Variants in NUP58 observed in about 807,000 individuals in gnomAD.
NUP58 encodes the protein nucleoporin 58.
A neutral mutation model predicts 70.1 loss-of-function variants in NUP58; 17 were observed. The observed-to-expected ratio is 0.24, with a 90% CI of 0.17 to 0.36. The LOEUF (loss-of-function observed/expected upper bound fraction) is 0.36. Among genes scored for constraint, NUP58 ranks in the 10% least tolerant of loss-of-function variants. The pLI, the probability that NUP58 is intolerant of heterozygous loss-of-function variation, is 1.00. For synonymous variants in NUP58, 275 were observed against 257.6 expected (o/e 1.07, Z -0.65); for missense variants, 644 against 701.5 (o/e 0.92, Z 0.93).
rs139298466 is a variant in NUP58 at position 25,312,752 on chromosome 13, C to G, written c.287-131C>G. 24 of 772,628 alleles carry G rather than the reference C, an allele frequency of 3.1e-5. 1 individual carries two copies. Among genetic ancestry groups the G allele is most frequent in the Non-Finnish European group, 2.0e-6 (1 of 495,688 alleles). 47.9% of individuals were successfully genotyped at this position (772,628 alleles called of 1,614,324 possible). On this transcript the variant is annotated intron_variant, in intron 3 of 15. Coordinates refer to ENST00000381736, the MANE Select transcript of NUP58 (RefSeq NM_014089.4). ...TTTTACATATTTTCTCTCACAGATA[C>G]ACCCTTCTTCTATTGGCAAAAGGTA...
At chr13:25,327,980 C>T (rs572251088) in intron 12 of NUP58, among the ~76,000 whole-genome samples, 83 of 152,182 alleles carry the variant, frequency 5.5e-4, no homozygotes, top group African/African-American at 1.4e-3. Flanking sequence ...GCGGGCGAAT[C>T]ACAAAGTCAG....
intron 13 of NUP58, chr13:25,334,041 A>AT (rs924146910): frequency 3.7e-3 from 2,892 of 782,758 alleles, no homozygotes; most frequent in Middle Eastern, 5.3e-3. Context: ...TCCTCCTTCA[A>AT]TTTTTTTTTT....
At chr13:25,310,183 G>A (rs1157336029) in intron 3 of NUP58, among the ~76,000 whole-genome samples, 1 of 145,428 alleles carries the variant, frequency 6.9e-6, no homozygotes, top group Admixed American at 6.9e-5. Flanking sequence ...AGGACTACAG[G>A]CACATACCAC....
chr13:25,309,148 C>T lies in NUP58; in HGVS notation c.251-99C>T, dbSNP rs1593176548. ...ATTGTTCTAATTAGAAGTGTTGTCA[C>T]TCCCTGAGGGTGATTTTAAGTCTTT... On this transcript the variant is annotated intron_variant, in intron 2 of 15. Coordinates refer to ENST00000381736, the MANE Select transcript of NUP58 (RefSeq NM_014089.4). 13 of 850,078 alleles carry T rather than the reference C, an allele frequency of 1.5e-5. No homozygotes were observed. The East Asian group carries it at 2.3e-4, about 15-fold the overall frequency. 52.7% of individuals were successfully genotyped at this position (850,078 alleles called of 1,614,324 possible). A position where few individuals can be genotyped will look rare whatever the true frequency, so the allele number is the denominator to read the frequency against.
chr13:25,347,634 A>G (rs1050347871), intron 3 of NUP58, among the ~76,000 whole-genome samples: 2 of 152,194 alleles, frequency 1.3e-5, no homozygotes, highest in Admixed American at 6.5e-5. Flanking sequence ...CATCTAAAAG[A>G]TGTTTTTAAA....
Position 25,325,077 on chromosome 13 carries a change from C to A in NUP58, c.1031+9C>A. The stretch of plus-strand genomic sequence containing the variant: ...TATGCAGCTCCTGCTGAGTAAGTTG[C>A]TGGATTTTTAAAAACAAATGTTTCT... On this transcript the variant is annotated intron_variant, in intron 10 of 15. Transcript: ENST00000381736. 1 of 1,589,406 alleles carries A rather than the reference C, an allele frequency of 6.3e-7. No homozygotes were observed.
At chr13:25,324,131 C>CATCT (rs2031298659) in intron 9 of NUP58, among the ~76,000 whole-genome samples, 1 of 151,686 alleles carries the variant, frequency 6.6e-6, no homozygotes, top group Non-Finnish European at 1.5e-5. Context: ...AGTCTTGAAT[C>CATCT]ATCTACACAT....
downstream of NUP58, among the ~76,000 whole-genome samples, chr13:25,343,811 A>G (rs1050626575): frequency 6.4e-3 from 923 of 144,546 alleles, 11 homozygotes; most frequent in African/African-American, 0.022. Flanking sequence ...ATATGTATAT[A>G]TATATATATA....
chr13:25,322,511 C>G (rs1273666252), intron 9 of NUP58, among the ~76,000 whole-genome samples: 1 of 152,152 alleles, frequency 6.6e-6, no homozygotes, highest in Non-Finnish European at 1.5e-5. Flanking sequence ...TAACATGATG[C>G]CACAGGTGGA....
intron 13 of NUP58, chr13:25,332,574 A>G (rs911629545): frequency 2.0e-6 from 2 of 985,304 alleles, no homozygotes; most frequent in African/African-American, 1.7e-5. Context: ...CATTCAAGCT[A>G]CCTATACTAG....
At chr13:25,335,840 T>A in intron 13 of NUP58, 1 of 1,010,536 alleles carries the variant, frequency 9.9e-7, no homozygotes, top group Non-Finnish European at 1.2e-6. Flanking sequence ...GACAGTTCCC[T>A]CATCTTTGAG....
intron 6 of NUP58, among the ~76,000 whole-genome samples, chr13:25,317,228 G>A (rs1240552656): frequency 1.3e-5 from 2 of 152,236 alleles, no homozygotes; most frequent in East Asian, 3.9e-4. Context: ...GGCCAGATTA[G>A]CCATAGAGCA....
At chr13:25,333,144 A>G (rs2137819774) in intron 13 of NUP58, 1 of 984,504 alleles carries the variant, frequency 1.0e-6, no homozygotes, top group South Asian at 4.7e-5. Context: ...GTGTGTGTTT[A>G]ACTTTCTTAT....
At chr13:25,321,242 A>G (rs536824289) in intron 9 of NUP58, 149 bp downstream of exon 9, 7 of 638,782 alleles carry the variant, frequency 1.1e-5, no homozygotes, top group Non-Finnish European at 1.6e-5. Context: ...ATACTTTAAT[A>G]ATGAGTTTTT....
intron 9 of NUP58, among the ~76,000 whole-genome samples, chr13:25,324,282 T>C (rs116928228): frequency 0.021 from 3,235 of 152,260 alleles, 43 homozygotes; most frequent in Middle Eastern, 0.034. Context: ...AGTAACTCTT[T>C]GTGAAATAAA....
intron 3 of NUP58, 116 bp from the exon 4 acceptor site, chr13:25,312,767 G>T: frequency 1.1e-6 from 1 of 946,772 alleles, no homozygotes; most frequent in Non-Finnish European, 1.5e-6. Flanking sequence ...TTCTTCTATT[G>T]GCAAAAGGTA....
chr13:25,336,885 A>C, intron 13 of NUP58, 51 bp from the exon 14 acceptor site: 4 of 1,118,366 alleles, frequency 3.6e-6, no homozygotes, highest in African/African-American at 1.6e-5. Flanking sequence ...TTGAAAGAGT[A>C]AGGCAAATTT....
downstream of NUP58, among the ~76,000 whole-genome samples, chr13:25,343,830 CAT>C (rs753908293): frequency 8.9e-5 from 12 of 135,404 alleles, no homozygotes; most frequent in Admixed American, 3.0e-4. Flanking sequence ...TATATATACA[CAT>C]ATATATATAC....
chr13:25,336,425 T>TA, intron 13 of NUP58: 4 of 524,092 alleles, frequency 7.6e-6, no homozygotes, highest in Non-Finnish European at 1.2e-5. Context: ...TTTGGGTACT[T>TA]ACTCTTATGA....
Sources: allele counts gnomAD v4.1 joint callset (sites outside exome capture counted in the v4.1 genomes callset), GRCh38; gene constraint gnomAD v4.1.1; transcripts MANE v1.5; gene names NCBI Gene and HGNC (gene_info 2026-07-23, HGNC 2026-07-21).